RAB38: variants seen among roughly 807,000 people sequenced by gnomAD.
The protein encoded by RAB38 is RAB38, member RAS oncogene family, also known as ras-related protein Rab-38.
A neutral mutation model predicts 18.4 loss-of-function variants in RAB38; 15 were observed. The ratio of observed to expected loss-of-function variants is 0.82; its 90% CI spans 0.55 to 1.26. RAB38 has a LOEUF of 1.26. Among genes scored for constraint, RAB38 ranks in the 50% most tolerant of loss-of-function variants. RAB38 has a pLI of 0.00. For synonymous variants in RAB38, 101 were observed against 104.4 expected (o/e 0.97, Z 0.20); for missense variants, 294 against 267.4 (o/e 1.10, Z -0.69).
At chr11:87,890,072 G>A in the RAB38 span, among the ~76,000 whole-genome samples, 7 of 151,660 alleles carry the variant, frequency 4.6e-5, no homozygotes, top group African/African-American at 1.7e-4. Flanking sequence ...GATATAAAGA[G>A]GTGAAGAAGA....
intron 2 of RAB38, among the ~76,000 whole-genome samples, chr11:88,148,054 T>C (rs1322991799): frequency 6.6e-6 from 1 of 152,078 alleles, no homozygotes; most frequent in Non-Finnish European, 1.5e-5. Flanking sequence ...TCAAGAAATA[T>C]AAAATGATGG....
intron 2 of RAB38, among the ~76,000 whole-genome samples, chr11:88,124,036 T>A (rs2134783595): frequency 6.6e-6 from 1 of 152,302 alleles, no homozygotes; most frequent in South Asian, 2.1e-4. Context: ...ATAGCATAAA[T>A]GAAACTATTT....
At chr11:88,142,167 G>C (rs1477827198) in intron 2 of RAB38, among the ~76,000 whole-genome samples, 2 of 152,192 alleles carry the variant, frequency 1.3e-5, no homozygotes, top group African/African-American at 4.8e-5. Flanking sequence ...CTGCTGAGAA[G>C]CATGGAAACA....
chr11:88,065,871 TC>T, the RAB38 span, among the ~76,000 whole-genome samples: 1 of 152,218 alleles, frequency 6.6e-6, no homozygotes, highest in Non-Finnish European at 1.5e-5. Flanking sequence ...ATTGTCCTTT[TC>T]AAATTTAGAT....
chr11:87,938,976 G>GT, the RAB38 span, among the ~76,000 whole-genome samples: 2 of 151,800 alleles, frequency 1.3e-5, no homozygotes, highest in Non-Finnish European at 2.9e-5. Context: ...GTCCTTCATT[G>GT]TTTTTTTAAC....
intron 1 of RAB38, among the ~76,000 whole-genome samples, chr11:88,169,700 C>T (rs1370701482): frequency 6.6e-6 from 1 of 152,198 alleles, no homozygotes; most frequent in Admixed American, 6.5e-5. Flanking sequence ...GGTAAGAGCA[C>T]AAGAAACATC....
the RAB38 span, among the ~76,000 whole-genome samples, chr11:88,018,484 G>A: frequency 6.6e-6 from 1 of 151,844 alleles, no homozygotes; most frequent in African/African-American, 2.4e-5. Flanking sequence ...TTTCCTTTAT[G>A]GCAAAACACC....
chr11:87,848,547 C>T, the RAB38 span, among the ~76,000 whole-genome samples: 8,980 of 151,614 alleles, frequency 0.059, 368 homozygotes, highest in Non-Finnish European at 0.084. Flanking sequence ...TTGGAAGTAA[C>T]AAAATATGTT....
the RAB38 span, among the ~76,000 whole-genome samples, chr11:88,056,472 G>A: frequency 6.6e-6 from 1 of 152,092 alleles, no homozygotes; most frequent in African/African-American, 2.4e-5. Flanking sequence ...TCTAAATGGT[G>A]GGGAGTTTTT....
At chr11:87,941,804 C>T in the RAB38 span, among the ~76,000 whole-genome samples, 1 of 152,142 alleles carries the variant, frequency 6.6e-6, no homozygotes, top group Non-Finnish European at 1.5e-5. Flanking sequence ...GTCACATTTC[C>T]AGTTTTCCCC....
chr11:87,827,587 G>A, the RAB38 span, among the ~76,000 whole-genome samples: 4 of 152,052 alleles, frequency 2.6e-5, no homozygotes, highest in African/African-American at 9.7e-5. Flanking sequence ...GATTTAGGAA[G>A]AATATTAATG....
the RAB38 span, among the ~76,000 whole-genome samples, chr11:87,873,096 C>T: frequency 7.9e-5 from 12 of 151,710 alleles, no homozygotes; most frequent in Middle Eastern, 3.4e-3. Flanking sequence ...TGTTCCTCCA[C>T]ATTCTCATTA....
the RAB38 span, among the ~76,000 whole-genome samples, chr11:87,959,740 C>T: frequency 2.6e-5 from 4 of 152,144 alleles, no homozygotes; most frequent in East Asian, 5.8e-4. Context: ...CTCTCCCTTT[C>T]TATTTTCCCT....
At chr11:87,911,861 T>A in the RAB38 span, among the ~76,000 whole-genome samples, 1 of 151,980 alleles carries the variant, frequency 6.6e-6, no homozygotes, top group African/African-American at 2.4e-5. Context: ...TGTTTACAGA[T>A]GCCATTTATC....
the RAB38 span, among the ~76,000 whole-genome samples, chr11:87,854,761 C>A: frequency 1.3e-5 from 2 of 151,922 alleles, no homozygotes; most frequent in African/African-American, 4.8e-5. Flanking sequence ...AATTTTATTC[C>A]GAAGACATTT....
chr11:88,060,353 G>C, the RAB38 span: 1 of 152,186 alleles, frequency 6.6e-6, no homozygotes, highest in Non-Finnish European at 1.5e-5. Context: ...ACTTTAAAGA[G>C]TGCAAGGAAA....
At chr11:88,013,347 AGAGT>A in the RAB38 span, among the ~76,000 whole-genome samples, 2 of 152,134 alleles carry the variant, frequency 1.3e-5, no homozygotes, top group African/African-American at 4.8e-5. Context: ...TCTTTTGTTC[AGAGT>A]AAGTATATGT....
chr11:88,060,873 T>C, the RAB38 span, among the ~76,000 whole-genome samples: 3 of 152,166 alleles, frequency 2.0e-5, no homozygotes, highest in East Asian at 5.8e-4. Flanking sequence ...GTTCCAAAAA[T>C]GCTGAATTAT....
the RAB38 span, among the ~76,000 whole-genome samples, chr11:87,826,404 G>A: frequency 6.6e-6 from 1 of 152,070 alleles, no homozygotes; most frequent in Non-Finnish European, 1.5e-5. Flanking sequence ...CACACATGCT[G>A]CACTTGCTAT....
Sources: allele counts gnomAD v4.1 joint callset (sites outside exome capture counted in the v4.1 genomes callset), GRCh38; gene constraint gnomAD v4.1.1; transcripts MANE v1.5; gene names NCBI Gene and HGNC (gene_info 2026-07-23, HGNC 2026-07-21).